Variants in FYB2 observed in about 807,000 individuals in gnomAD.
The protein encoded by FYB2 is FYN binding protein 2, also known as FYN-binding protein 2.
A neutral mutation model predicts 94.1 loss-of-function variants in FYB2; 103 were observed. That is an observed-to-expected ratio of 1.09 (90% CI 0.93 to 1.29). FYB2 has a LOEUF of 1.29. Ranked by LOEUF, FYB2 falls within the 50% of genes most tolerant of loss-of-function variation. The pLI is 0.00. For missense variants in FYB2, 896 were observed against 841.5 expected, an observed-to-expected ratio of 1.06 and a Z score of -0.80; for synonymous variants, 293 against 287.9, an observed-to-expected ratio of 1.02 and a Z score of -0.18.
chr1:56,821,809 G>A (rs548489206), upstream of FYB2, among the ~76,000 whole-genome samples: 2 of 152,286 alleles, frequency 1.3e-5, no homozygotes, highest in African/African-American at 4.8e-5. Flanking sequence ...GTATTCATTT[G>A]CTATAAGGAG....
At chr1:56,795,070 T>C (rs183415357) in intron 1 of FYB2, among the ~76,000 whole-genome samples, 2 of 151,598 alleles carry the variant, frequency 1.3e-5, no homozygotes, top group Non-Finnish European at 2.9e-5. Context: ...GGCAGTGTTA[T>C]GTAGGTTCAC....
intron 19 of FYB2, 21 bp from the exon 20 acceptor site, chr1:56,719,713 G>C: frequency 6.4e-7 from 1 of 1,560,378 alleles, no homozygotes; most frequent in African/African-American, 1.4e-5. Flanking sequence ...ATAAAAATAT[G>C]CAAACATTTT....
At chr1:56,807,462 C>G (rs1020296805) in intron 1 of FYB2, among the ~76,000 whole-genome samples, 1 of 152,164 alleles carries the variant, frequency 6.6e-6, no homozygotes, top group East Asian at 1.9e-4. Flanking sequence ...GATAAAGGAG[C>G]CCCTGTCTGG....
chr1:56,779,963 A>G (rs947177173), intron 4 of FYB2, among the ~76,000 whole-genome samples: 2 of 152,120 alleles, frequency 1.3e-5, no homozygotes, highest in African/African-American at 4.8e-5. Context: ...AATATTGTGT[A>G]TATTCACTAA....
At chr1:56,781,374 A>G (rs1263571693) in intron 4 of FYB2, among the ~76,000 whole-genome samples, 1 of 152,154 alleles carries the variant, frequency 6.6e-6, no homozygotes, top group African/African-American at 2.4e-5. Flanking sequence ...CAGCTGATCC[A>G]GCAATTGCTG....
Position 56,792,663 on chromosome 1 carries a change from G to A in FYB2, c.150C>T (p.Ala50=). The A allele has an allele frequency of 6.2e-7, 1 of 1,614,024 alleles. No homozygotes were observed. Among genetic ancestry groups the A allele is most frequent in the Non-Finnish European group, 8.5e-7 (1 of 1,179,998 alleles). Residue 50 remains alanine (A), a synonymous_variant, in exon 2 of 20, where the codon GCC becomes GCT. Transcript: ENST00000343433. ...GGTTGGATGAGAGGGGTTTCCCATT[G>A]GCCAAAATTTGAGTTGACTGTGTGC... ...IGGTQSTQIL[A]NGKPLSSNHK...
chr1:56,810,156 G>C (rs761306011), intron 1 of FYB2, among the ~76,000 whole-genome samples: 5 of 152,162 alleles, frequency 3.3e-5, no homozygotes, highest in Admixed American at 6.5e-5. Context: ...CAGAGTACAT[G>C]TTCAGTAAAT....
intron 11 of FYB2, 40 bp downstream of exon 11, chr1:56,743,986 A>G (rs1395644983): frequency 6.3e-7 from 1 of 1,593,806 alleles, no homozygotes; most frequent in South Asian, 1.1e-5. Context: ...GCATTCTGCA[A>G]TTCCTACTGG....
chr1:56,788,656 CA>C (rs1253568869), intron 3 of FYB2, among the ~76,000 whole-genome samples: 1 of 152,152 alleles, frequency 6.6e-6, no homozygotes, highest in African/African-American at 2.4e-5. Flanking sequence ...ATTGTGTTGA[CA>C]ACACAGGTTT....
At chr1:56,801,826 C>T (rs1646527962) in intron 1 of FYB2, among the ~76,000 whole-genome samples, 1 of 152,218 alleles carries the variant, frequency 6.6e-6, no homozygotes, top group Non-Finnish European at 1.5e-5. Context: ...TCTTGCCTAT[C>T]TCCCACTCCA....
intron 3 of FYB2, among the ~76,000 whole-genome samples, chr1:56,788,040 A>G (rs1335947037): frequency 2.0e-5 from 3 of 152,134 alleles, no homozygotes; most frequent in East Asian, 3.9e-4. Flanking sequence ...AGCCTCAGCA[A>G]CCTCTGGGAA....
At chr1:56,809,990 G>A (rs1646730102) in intron 1 of FYB2, among the ~76,000 whole-genome samples, 1 of 152,032 alleles carries the variant, frequency 6.6e-6, no homozygotes, top group African/African-American at 2.4e-5. Flanking sequence ...TTTTGTTGAA[G>A]ATAGTTGTGA....
intron 4 of FYB2, among the ~76,000 whole-genome samples, chr1:56,784,771 T>C (rs1646094900): frequency 1.3e-5 from 2 of 152,216 alleles, no homozygotes; most frequent in Non-Finnish European, 2.9e-5. Context: ...ATCTGTCCAT[T>C]CATTCATCCA....
upstream of FYB2, chr1:56,823,580 A>G (rs1647005772): frequency 1.3e-5 from 2 of 152,180 alleles, no homozygotes; most frequent in African/African-American, 4.8e-5. Flanking sequence ...CTCGCATCTC[A>G]ATTTTGTGCT....
Position 56,719,566 on chromosome 1 carries a change from C to T in FYB2, c.*105G>A. The T allele has an allele frequency of 1.0e-6, 1 of 966,134 alleles. No individual in the cohort carries two copies. 59.8% of individuals were successfully genotyped at this position (966,134 alleles called of 1,614,324 possible). A position where few individuals can be genotyped will look rare whatever the true frequency, so the allele number is the denominator to read the frequency against. ...AGAACGAAAGTTTCCACAGATTCCA[C>T]CATCTCAAAATTTTGACATGTAAAC... On this transcript the variant is annotated 3_prime_UTR_variant, in exon 20 of 20. Coordinates refer to ENST00000343433, the MANE Select transcript of FYB2 (RefSeq NM_001004303.5).
intron 9 of FYB2, among the ~76,000 whole-genome samples, chr1:56,749,644 C>T (rs1645149219): frequency 2.0e-5 from 3 of 152,014 alleles, no homozygotes; most frequent in Admixed American, 2.0e-4. Context: ...TCTGCAATAT[C>T]TTGTAGGTTG....
chr1:56,779,876 T>C (rs577620784), intron 4 of FYB2, among the ~76,000 whole-genome samples: 5 of 152,278 alleles, frequency 3.3e-5, no homozygotes, highest in African/African-American at 1.2e-4. Flanking sequence ...AATCTTTAAT[T>C]TGGTTCTGAG....
chr1:56,814,955 G>A (rs900011620), intron 1 of FYB2, among the ~76,000 whole-genome samples: 2 of 152,144 alleles, frequency 1.3e-5, no homozygotes, highest in African/African-American at 4.8e-5. Flanking sequence ...ATCCCAGAAT[G>A]TCAGAGCATG....
chr1:56,788,383 T>C (rs1646179491), intron 3 of FYB2, among the ~76,000 whole-genome samples: 1 of 152,196 alleles, frequency 6.6e-6, no homozygotes, highest in Non-Finnish European at 1.5e-5. Context: ...ATTTAAAATG[T>C]CAACAAGATC....
Sources: gnomAD v4.1 joint callset for allele counts (sites outside exome capture counted in the v4.1 genomes callset) on GRCh38, gnomAD v4.1.1 for gene constraint, MANE v1.5 for transcripts, NCBI Gene and HGNC (gene_info 2026-07-23, HGNC 2026-07-21) for gene names.